Variants in UNC80 observed in about 807,000 individuals in gnomAD.
UNC80 encodes protein unc-80 homolog.
Under a neutral mutation model 384.6 loss-of-function variants are expected in UNC80, and 164 were observed. The observed-to-expected ratio is 0.43, with a 90% CI of 0.38 to 0.49. UNC80 has a LOEUF of 0.49. Among genes scored for constraint, UNC80 ranks in the 20% least tolerant of loss-of-function variants. UNC80 has a pLI of 0.00. For synonymous variants in UNC80, 1,486 were observed against 1,527.8 expected (o/e 0.97, Z 0.64); for missense variants, 3,330 against 4,143.0 (o/e 0.80, Z 5.39).
In UNC80 at chr2:209,998,554, G is replaced by A. The variant is rs1442172011; in HGVS notation, c.*2959G>A. On this transcript the variant is annotated 3_prime_UTR_variant, in exon 65 of 65. Coordinates refer to ENST00000673920, the MANE Select transcript of UNC80 (RefSeq NM_001371986.1). ...AGCCTCCAAGAGTACCTTAAACAAGGTGATAGCTCCTCTCTTCTTTAGCAT... is the reference window on the plus strand; with the variant it reads ...AGCCTCCAAGAGTACCTTAAACAAGATGATAGCTCCTCTCTTCTTTAGCAT... 1 of 152,186 alleles carries A rather than the reference G, an allele frequency of 6.6e-6. No homozygotes were observed. The highest frequency in any genetic ancestry group is 1.9e-4 in the East Asian group (1 of 5,188). The allele number at this position is 152,186 out of a possible 1,614,324, so 9.4% of individuals were successfully genotyped here.
At chr2:209,932,311 C>T (rs910806301) in intron 38 of UNC80, among the ~76,000 whole-genome samples, 1 of 152,138 alleles carries the variant, frequency 6.6e-6, no homozygotes, top group African/African-American at 2.4e-5. Flanking sequence ...AGCTTTCCAG[C>T]CAAGCATCCA....
intron 64 of UNC80, 57 bp downstream of exon 64, chr2:209,994,321 C>T: frequency 7.0e-7 from 1 of 1,438,024 alleles, no homozygotes; most frequent in African/African-American, 1.4e-5. Flanking sequence ...CTTCTAGCAG[C>T]CACTTGGATA....
intron 38 of UNC80, 39 bp from the exon 39 acceptor site, chr2:209,933,780 GATT>G: frequency 6.7e-7 from 1 of 1,488,122 alleles, no homozygotes; most frequent in Non-Finnish European, 9.0e-7. Context: ...GTGAGCTCGG[GATT>G]ATTGTAGCTT....
intron 22 of UNC80, among the ~76,000 whole-genome samples, chr2:209,867,919 A>G (rs1468865941): frequency 6.6e-6 from 1 of 152,202 alleles, no homozygotes; most frequent in Non-Finnish European, 1.5e-5. Flanking sequence ...CTCTTACTTG[A>G]TCATATTGTC....
chr2:209,882,283 A>G (rs1271111521), intron 25 of UNC80, among the ~76,000 whole-genome samples: 2 of 151,812 alleles, frequency 1.3e-5, no homozygotes, highest in South Asian at 2.1e-4. Context: ...TCCTTTTTAA[A>G]CCAAACTCGG....
intron 22 of UNC80, among the ~76,000 whole-genome samples, chr2:209,857,723 A>G (rs1348695341): frequency 2.6e-5 from 4 of 152,170 alleles, no homozygotes; most frequent in South Asian, 2.1e-4. Context: ...CTTTAACTGC[A>G]TACCATAAAT....
At chr2:209,865,109 C>T (rs1185686824) in intron 22 of UNC80, among the ~76,000 whole-genome samples, 1 of 152,154 alleles carries the variant, frequency 6.6e-6, no homozygotes, top group Non-Finnish European at 1.5e-5. Flanking sequence ...CTTTGTGGCT[C>T]CCAGGTGCGC....
rs200582406 is a variant in UNC80, at chr2:209,976,635, G to GATTTTAA, written c.8773-275_8773-269dup. On this transcript the variant is annotated intron_variant, in intron 57 of 64. Coordinates refer to ENST00000673920, the MANE Select transcript of UNC80 (RefSeq NM_001371986.1). The surrounding 1 kb of genome is among the most constrained non-coding windows in gnomAD (Gnocchi z 4.3). ...ATCTTCAGTGACATGACTGAGATCT[G>GATTTTAA]ATTTTAAATAAACATAAGAAAAACA... Among the ~76,000 whole-genome samples, 5,992 of 152,086 alleles carry GATTTTAA rather than the reference G, an allele frequency of 0.039. 388 individuals carry two copies. The highest frequency in any genetic ancestry group is 0.13 in the African/African-American group (5,580 of 41,416).
rs1407012746 is a variant in UNC80 at position 209,880,982 on chromosome 2, G to C, written c.3998G>C (p.Cys1333Ser). ...LDDSTVNPSK[C>S]GCPFALKMAA... ...CTAGGTACTGTGAACCCCTCTAAAT[G>C]CGGTTGCCCCTTTGCCTTGAAGATG... The change falls in exon 25 of 65, where the codon TGC (cysteine) becomes TCC (serine). Residue 1333 changes from cysteine (C) to serine (S), a missense_variant. Physicochemically the swap from Cys to Ser is moderately radical, Grantham distance 112. Coordinates refer to ENST00000673920, the MANE Select transcript of UNC80 (RefSeq NM_001371986.1). The C allele has an allele frequency of 1.3e-6, 2 of 1,551,908 alleles. No homozygotes were observed. The highest frequency in any genetic ancestry group is 2.7e-5 in the African/African-American group (2 of 73,012).
intron 7 of UNC80, among the ~76,000 whole-genome samples, chr2:209,799,221 T>C (rs1033006352): frequency 6.6e-6 from 1 of 152,122 alleles, no homozygotes; most frequent in Admixed American, 6.5e-5. Context: ...GGAATGTTTT[T>C]CCATTTGTTT....
intron 27 of UNC80, among the ~76,000 whole-genome samples, chr2:209,895,217 G>T (rs1044987979): frequency 6.6e-6 from 1 of 152,152 alleles, no homozygotes; most frequent in African/African-American, 2.4e-5. Context: ...CTCACCAGCT[G>T]CCTAACATTA....
intron 7 of UNC80, among the ~76,000 whole-genome samples, chr2:209,798,801 C>T (rs2078336643): frequency 1.3e-5 from 2 of 150,262 alleles, no homozygotes; most frequent in South Asian, 4.2e-4. Flanking sequence ...CCTCAGCCTG[C>T]CGAGTAGCTG....
chr2:209,792,779 G>A (rs994250141), intron 6 of UNC80, among the ~76,000 whole-genome samples: 27 of 152,162 alleles, frequency 1.8e-4, no homozygotes, highest in Non-Finnish European at 3.4e-4. Flanking sequence ...TTTAAAATCA[G>A]ATATGTGGCT....
chr2:209,937,234 C>T (rs746884767), intron 41 of UNC80, among the ~76,000 whole-genome samples: 3 of 152,140 alleles, frequency 2.0e-5, no homozygotes, highest in Non-Finnish European at 2.9e-5. Flanking sequence ...TGAAAAATTA[C>T]GTTGCCCGTA....
intron 35 of UNC80, among the ~76,000 whole-genome samples, chr2:209,924,817 T>C (rs1221191103): frequency 6.6e-6 from 1 of 151,940 alleles, no homozygotes; most frequent in Non-Finnish European, 1.5e-5. Context: ...TAAAGCTGTT[T>C]GCACTAAGCT....
intron 28 of UNC80, among the ~76,000 whole-genome samples, chr2:209,898,496 G>T (rs1045815446): frequency 2.0e-5 from 3 of 151,870 alleles, no homozygotes; most frequent in Admixed American, 2.0e-4. Flanking sequence ...TTTAATTTTT[G>T]GGGGTACATA....
chr2:209,909,775 A>G (rs2088696597), intron 29 of UNC80, among the ~76,000 whole-genome samples: 1 of 152,064 alleles, frequency 6.6e-6, no homozygotes, highest in Non-Finnish European at 1.5e-5. Flanking sequence ...TCTAAGACAT[A>G]TACATAGGAA....
chr2:209,961,556 A>T (rs2092590879), intron 51 of UNC80: 1 of 152,220 alleles, frequency 6.6e-6, no homozygotes. Flanking sequence ...CAAGGAGTTA[A>T]TTATTTTTAT....
intron 5 of UNC80, 146 bp from the exon 6 acceptor site, chr2:209,789,386 A>C (rs1411163834): frequency 1.7e-6 from 1 of 581,862 alleles, no homozygotes. Context: ...GGTTATTTGA[A>C]TATCTCTTAC....
Sources: gnomAD v4.1 joint callset for allele counts (sites outside exome capture counted in the v4.1 genomes callset) on GRCh38, gnomAD v4.1.1 for gene constraint, Gnocchi (gnomAD v3.1) non-coding constraint, MANE v1.5 for transcripts, NCBI Gene and HGNC (gene_info 2026-07-23, HGNC 2026-07-21) for gene names.